EFL1: variants seen among roughly 807,000 people sequenced by gnomAD.
EFL1 encodes elongation factor-like GTPase 1.
EFL1 carries 76 observed loss-of-function variants against 126.7 expected under a neutral mutation model. The observed-to-expected ratio is 0.60, with a 90% CI of 0.50 to 0.73. EFL1 has a LOEUF of 0.73. EFL1 is among the 30% of genes least tolerant of loss of function. The pLI is 0.00. For synonymous variants in EFL1, 410 were observed against 448.4 expected (o/e 0.91, Z 1.08); for missense variants, 1,128 against 1,343.2 (o/e 0.84, Z 2.50).
chr15:82,238,507 T>C lies in EFL1; in HGVS notation c.531A>G (p.Thr177=). ...GGACTTTAGAAGTAAAAAGAGTCCC[T>C]GTGAGCGCATTAATCTAGGAGAGAT... ...KNILEQINAL[T]GTLFTSKVLE... The change falls in exon 7 of 20, where the codon ACA becomes ACG. Residue 177 remains threonine (T), a synonymous_variant. Coordinates refer to ENST00000268206, the MANE Select transcript of EFL1 (RefSeq NM_024580.6). The C allele has an allele frequency of 6.2e-7, 1 of 1,611,192 alleles. No homozygotes were observed. Among genetic ancestry groups the C allele is most frequent in the Non-Finnish European group, 8.5e-7 (1 of 1,178,456 alleles).
chr15:82,216,627 G>A (rs897669834), intron 14 of EFL1, among the ~76,000 whole-genome samples: 5 of 152,256 alleles, frequency 3.3e-5, no homozygotes, highest in African/African-American at 1.2e-4. Context: ...ATTCAATAAT[G>A]TTGGAACAGC....
intron 4 of EFL1, among the ~76,000 whole-genome samples, chr15:82,252,070 T>C (rs373448349): frequency 5.9e-4 from 90 of 152,292 alleles, no homozygotes; most frequent in African/African-American, 2.1e-3. Flanking sequence ...CATACCATTT[T>C]CCCCTGTACA....
At chr15:82,194,120 G>C (rs1268686239) in intron 15 of EFL1, among the ~76,000 whole-genome samples, 1 of 152,176 alleles carries the variant, frequency 6.6e-6, no homozygotes, top group African/African-American at 2.4e-5. Flanking sequence ...ACAGATCATT[G>C]AAATCTTTTC....
intron 15 of EFL1, among the ~76,000 whole-genome samples, chr15:82,198,705 C>T (rs2141279105): frequency 6.6e-6 from 1 of 152,298 alleles, no homozygotes; most frequent in South Asian, 2.1e-4. Context: ...CATAGAGATT[C>T]ATCTACCTCA....
At chr15:82,217,665 G>T (rs1489088918) in intron 14 of EFL1, among the ~76,000 whole-genome samples, 2 of 152,140 alleles carry the variant, frequency 1.3e-5, no homozygotes, top group East Asian at 3.8e-4. Context: ...GCAAGAGAAG[G>T]ATGTGGCAGA....
At chr15:82,156,366 A>C (rs2073967193) in intron 17 of EFL1, among the ~76,000 whole-genome samples, 1 of 152,300 alleles carries the variant, frequency 6.6e-6, no homozygotes, top group African/African-American at 2.4e-5. Flanking sequence ...AGCTCACCAC[A>C]GTCTCTGCCT....
At chr15:82,186,598 T>G (rs1298600204) in intron 15 of EFL1, among the ~76,000 whole-genome samples, 2 of 152,222 alleles carry the variant, frequency 1.3e-5, no homozygotes, top group Non-Finnish European at 2.9e-5. Flanking sequence ...CATAATTAAC[T>G]CGATTATAAA....
chr15:82,209,005 A>G (rs1036811618), intron 15 of EFL1, among the ~76,000 whole-genome samples: 3 of 152,154 alleles, frequency 2.0e-5, no homozygotes, highest in African/African-American at 4.8e-5. Flanking sequence ...AAAAGAGAAT[A>G]AAATCATTAC....
intron 15 of EFL1, among the ~76,000 whole-genome samples, chr15:82,209,310 GACACAGACACACACACACACACACAC>G (rs1416238341): frequency 1.1e-5 from 1 of 94,840 alleles, no homozygotes; most frequent in African/African-American, 4.0e-5. Flanking sequence ...TTCACACACA[GACACAGACACACACACACACACACAC>G]ACACACACAC....
intron 3 of EFL1, among the ~76,000 whole-genome samples, chr15:82,256,699 G>A (rs113409878): frequency 0.14 from 21,385 of 152,138 alleles, 1,702 homozygotes; most frequent in South Asian, 0.38. Context: ...TATCACAATA[G>A]ATGTTGAATT....
intron 18 of EFL1, among the ~76,000 whole-genome samples, chr15:82,139,046 C>A (rs1226395955): frequency 6.6e-6 from 1 of 152,006 alleles, no homozygotes; most frequent in Non-Finnish European, 1.5e-5. Context: ...CAAAAAATAA[C>A]AAAAAGTTAA....
At chr15:82,238,802 C>T (rs961634110) in intron 6 of EFL1, among the ~76,000 whole-genome samples, 3 of 152,102 alleles carry the variant, frequency 2.0e-5, no homozygotes, top group Non-Finnish European at 4.4e-5. Context: ...TAATTTGTTT[C>T]TCAGTGCTGA....
At chr15:82,174,799 C>T (rs1005828146) in intron 15 of EFL1, among the ~76,000 whole-genome samples, 29 of 152,218 alleles carry the variant, frequency 1.9e-4, no homozygotes, top group African/African-American at 6.8e-4. Context: ...GGGCCTGCAT[C>T]ACCCGATGCC....
At chr15:82,226,372 T>C (rs2074764214) in intron 11 of EFL1, among the ~76,000 whole-genome samples, 1 of 152,156 alleles carries the variant, frequency 6.6e-6, no homozygotes, top group African/African-American at 2.4e-5. Flanking sequence ...TTTCACCATG[T>C]TGGCCAGGAA....
chr15:82,196,805 G>A lies in EFL1; in HGVS notation c.1750+17912C>T, dbSNP rs373001685. Among the ~76,000 whole-genome samples the A allele has an allele frequency of 4.1e-4, 62 of 152,282 alleles. No individual in the cohort carries two copies. The East Asian group carries it at 0.01, about 26-fold the overall frequency. On this transcript the variant is annotated intron_variant, in intron 15 of 19. Coordinates refer to ENST00000268206, the MANE Select transcript of EFL1 (RefSeq NM_024580.6). Reference sequence around the variant, plus strand: ...TCCCAGCACTTTGGGAGGCCAAGGCGGGCGGATCACGAGGTCAGGAGTTCG... The same window carrying A: ...TCCCAGCACTTTGGGAGGCCAAGGCAGGCGGATCACGAGGTCAGGAGTTCG...
intron 19 of EFL1, among the ~76,000 whole-genome samples, chr15:82,132,845 G>A (rs2073673040): frequency 6.6e-6 from 1 of 152,094 alleles, no homozygotes; most frequent in African/African-American, 2.4e-5. Flanking sequence ...TAATTTTGTG[G>A]GCACAACAGT....
intron 8 of EFL1, 35 bp downstream of exon 8, chr15:82,230,813 T>C: frequency 1.3e-6 from 2 of 1,577,314 alleles, no homozygotes; most frequent in Non-Finnish European, 1.7e-6. Context: ...GGCAAGAATA[T>C]GACCAACAAC....
intron 15 of EFL1, among the ~76,000 whole-genome samples, chr15:82,172,222 T>C (rs138082198): frequency 2.0e-5 from 3 of 152,316 alleles, no homozygotes; most frequent in African/African-American, 4.8e-5. Flanking sequence ...TTATGTACTG[T>C]AGACAAGAAC....
chr15:82,208,198 T>C (rs1271061682), intron 15 of EFL1, among the ~76,000 whole-genome samples: 2 of 152,192 alleles, frequency 1.3e-5, no homozygotes, highest in Admixed American at 1.3e-4. Flanking sequence ...ATGAGAAAGA[T>C]AAAGTTTACC....
Sources: gnomAD v4.1 joint callset for allele counts (sites outside exome capture counted in the v4.1 genomes callset) on GRCh38, gnomAD v4.1.1 for gene constraint, MANE v1.5 for transcripts, NCBI Gene and HGNC (gene_info 2026-07-23, HGNC 2026-07-21) for gene names.